The following UROS variants were observed in gnomAD, a reference collection of about 807,000 sequenced individuals.
UROS encodes the protein uroporphyrinogen-III synthase.
A neutral mutation model predicts 33.0 loss-of-function variants in UROS; 18 were observed. The ratio of observed to expected loss-of-function variants is 0.55; its 90% CI spans 0.38 to 0.81. The LOEUF is 0.81. Among genes scored for constraint, UROS ranks in the 30% least tolerant of loss-of-function variants. UROS has a pLI of 0.00. For synonymous variants in UROS, 114 were observed against 121.1 expected, an observed-to-expected ratio of 0.94 and a Z score of 0.38; for missense variants, 293 against 314.9, an observed-to-expected ratio of 0.93 and a Z score of 0.53.
chr10:125,819,077 C>T (rs561996243), intron 1 of UROS, among the ~76,000 whole-genome samples: 24 of 152,224 alleles, frequency 1.6e-4, no homozygotes, highest in Admixed American at 7.8e-4. Flanking sequence ...CTCCGCCTCC[C>T]GGGTTCAAGC....
chr10:125,796,226 T>C (rs1374059417), intron 7 of UROS, 38 bp from the exon 8 acceptor site: 2 of 1,600,784 alleles, frequency 1.2e-6, no homozygotes, highest in Non-Finnish European at 1.7e-6. Context: ...TTTACCGCAC[T>C]GGGCACACAA....
At chr10:125,812,544 G>C (rs1852908241) in intron 4 of UROS, among the ~76,000 whole-genome samples, 2 of 152,152 alleles carry the variant, frequency 1.3e-5, no homozygotes, top group African/African-American at 4.8e-5. Context: ...GTTGGTACTA[G>C]AAGAATTTTA....
chr10:125,800,193 G>A (rs1461615089), intron 6 of UROS, among the ~76,000 whole-genome samples: 1 of 152,170 alleles, frequency 6.6e-6, no homozygotes, highest in African/African-American at 2.4e-5. Context: ...GATAGGGAAG[G>A]GTCCCCGGTG....
chr10:125,792,980 G>A (rs900007152), intron 9 of UROS: 1 of 152,262 alleles, frequency 6.6e-6, no homozygotes, highest in African/African-American at 2.4e-5. Flanking sequence ...CCTCAGCAAT[G>A]GCAGAGGTGT....
intron 1 of UROS, 168 bp from the exon 2 acceptor site, chr10:125,816,693 CT>C (rs1853358726): frequency 1.5e-6 from 1 of 663,730 alleles, no homozygotes; most frequent in Non-Finnish European, 2.6e-6. Flanking sequence ...CTGAAGACCC[CT>C]GTCACTGATA....
intron 1 of UROS, among the ~76,000 whole-genome samples, chr10:125,817,748 T>C (rs1272800715): frequency 6.6e-6 from 1 of 152,142 alleles, no homozygotes; most frequent in Non-Finnish European, 1.5e-5. Flanking sequence ...ATCCAAAGTC[T>C]CAGAATTGCT....
At chr10:125,802,192 TG>T (rs1851888444) in intron 6 of UROS, 1 of 985,412 alleles carries the variant, frequency 1.0e-6, no homozygotes, top group South Asian at 4.7e-5. Flanking sequence ...ATCTGCATCC[TG>T]TACCAGGAAC....
intron 6 of UROS, 24 bp downstream of exon 6, chr10:125,807,389 T>G (rs1210010542): frequency 6.2e-7 from 1 of 1,605,752 alleles, no homozygotes; most frequent in Non-Finnish European, 8.5e-7. Flanking sequence ...ATGGCTTCAT[T>G]TGGAGTGATG....
At position 125,794,256 on chromosome 10, in the gene UROS, G is replaced by A. The variant is rs1406811082; in HGVS notation, c.660+624C>T. Reference sequence around the variant, plus strand: ...AGAGCGGTGCATACTCCCCACATGAGATGCACCTGTGAGAAGGCAGGTGAA... The same window carrying A: ...AGAGCGGTGCATACTCCCCACATGAAATGCACCTGTGAGAAGGCAGGTGAA... On this transcript the variant is annotated intron_variant, in intron 9 of 9. Coordinates refer to ENST00000368797, the MANE Select transcript of UROS (RefSeq NM_000375.3). The A allele has an allele frequency of 8.3e-6, 7 of 841,142 alleles. No individual in the cohort carries two copies. In the Admixed American group the frequency reaches 3.6e-4, roughly 44 times the overall value. The allele number at this position is 841,142 out of a possible 1,614,324, so 52.1% of individuals were successfully genotyped here. A position where few individuals can be genotyped will look rare whatever the true frequency, so the allele number is the denominator to read the frequency against.
chr10:125,822,700 C>T (rs767114076), intron 1 of UROS, among the ~76,000 whole-genome samples: 1 of 152,198 alleles, frequency 6.6e-6, no homozygotes, highest in Admixed American at 6.5e-5. Flanking sequence ...TCTGGTGATC[C>T]ACCCGCTTTG....
At chr10:125,786,021 G>A (rs1379772358), downstream of UROS, among the ~76,000 whole-genome samples, 1 of 152,178 alleles carries the variant, frequency 6.6e-6, no homozygotes, top group Non-Finnish European at 1.5e-5. Flanking sequence ...TACTCTGTTT[G>A]GAGCTGGCAG....
chr10:125,786,480 G>A (rs1167342838), downstream of UROS, among the ~76,000 whole-genome samples: 1 of 151,916 alleles, frequency 6.6e-6, no homozygotes, highest in Non-Finnish European at 1.5e-5. Flanking sequence ...CACCATGTTG[G>A]TCAGGCTGGT....
At chr10:125,820,442 C>T (rs1214114380) in intron 1 of UROS, among the ~76,000 whole-genome samples, 1 of 152,240 alleles carries the variant, frequency 6.6e-6, no homozygotes, top group East Asian at 1.9e-4. Flanking sequence ...AGGCCCTCAA[C>T]AGACTGGATG....
downstream of UROS, among the ~76,000 whole-genome samples, chr10:125,787,358 C>T (rs1005454643): frequency 6.6e-6 from 1 of 152,200 alleles, no homozygotes; most frequent in Non-Finnish European, 1.5e-5. Context: ...TTCTCCTCCT[C>T]CTTCCTCACT....
At chr10:125,797,930 T>C in intron 7 of UROS, 135 bp downstream of exon 7, 1 of 957,352 alleles carries the variant, frequency 1.0e-6, no homozygotes, top group African/African-American at 1.6e-5. Context: ...GGTCTCTGTG[T>C]CTCCTGGCCT....
chr10:125,796,105 G>T lies in UROS; in HGVS notation c.559C>A (p.Gln187Lys). The part of the protein sequence containing the change: ...QGNLNSYYSQ[Q>K]GVPASITFFS... ...AACCGCCCCCAAACGCCACGTACCT[G>T]CTGGGAATAGTAGCTGTTCAGGTTC... is the stretch of plus-strand genomic sequence containing the variant. Residue 187 changes from glutamine (Q) to lysine (K), a missense_variant and splice_region_variant, in exon 8 of 10, where the codon CAG becomes AAG. Transcript: ENST00000368797. 6.2e-7 allele frequency: 1 copy of T among 1,614,106 alleles called. No individual in the cohort carries two copies. The highest frequency in any genetic ancestry group is 8.5e-7 in the Non-Finnish European group (1 of 1,180,010).
intron 8 of UROS, 96 bp from the exon 9 acceptor site, chr10:125,795,074 G>A: frequency 2.5e-6 from 3 of 1,210,708 alleles, no homozygotes. Context: ...CAAGCCACAG[G>A]CCACCAAGGC....
At position 125,794,887 on chromosome 10, in the gene UROS, T is replaced by C. The variant is rs750092363; in HGVS notation, c.653A>G (p.Gln218Arg). ...IQELSGDNID[Q>R]IKFAAIGPTT... is the part of the protein sequence containing the mutation. ...GCTCATTGAATAACTTACCTTAATTTGATCGATATTGTCACCAGATAACTC... is the reference window on the plus strand; with the variant it reads ...GCTCATTGAATAACTTACCTTAATTCGATCGATATTGTCACCAGATAACTC... The change falls in exon 9 of 10, where the codon CAA becomes CGA. Residue 218 changes from glutamine (Q) to arginine (R), a missense_variant. Physicochemically the swap from Gln to Arg is conservative, Grantham distance 43. Coordinates refer to ENST00000368797, the MANE Select transcript of UROS (RefSeq NM_000375.3). 3.7e-6 allele frequency: 6 copies of C among 1,613,340 alleles called. No homozygotes were observed. Among genetic ancestry groups the C allele is most frequent in the Non-Finnish European group, 5.1e-6 (6 of 1,179,338 alleles).
chr10:125,822,099 C>G (rs1003409216), intron 1 of UROS, among the ~76,000 whole-genome samples: 4 of 152,180 alleles, frequency 2.6e-5, no homozygotes, highest in African/African-American at 9.7e-5. Context: ...ACCCACCCCC[C>G]TCATTTTACA....
Sources: gnomAD v4.1 joint callset for allele counts (sites outside exome capture counted in the v4.1 genomes callset) on GRCh38, gnomAD v4.1.1 for gene constraint, MANE v1.5 for transcripts, NCBI Gene and HGNC (gene_info 2026-07-23, HGNC 2026-07-21) for gene names.